Variants in NALF1 observed in about 807,000 individuals in gnomAD.
The protein encoded by NALF1 is family with sequence similarity 155 member A.
Under a neutral mutation model 48.4 loss-of-function variants are expected in NALF1, and 3 were observed. The ratio of observed to expected loss-of-function variants is 0.06; its 90% CI spans 0.03 to 0.16. The LOEUF is 0.16. Among genes scored for constraint, NALF1 ranks in the 10% least tolerant of loss-of-function variants. The pLI is 1.00. For synonymous variants in NALF1, 262 were observed against 245.7 expected (o/e 1.07, Z -0.62); for missense variants, 526 against 571.5 (o/e 0.92, Z 0.81).
intron 1 of NALF1, among the ~76,000 whole-genome samples, chr13:107,542,244 T>A (rs539744793): frequency 5.9e-5 from 9 of 152,236 alleles, no homozygotes; most frequent in African/African-American, 2.2e-4. Context: ...AACCACATAT[T>A]ATATGATTCC....
intron 1 of NALF1, among the ~76,000 whole-genome samples, chr13:107,307,948 CAA>C (rs1881969360): frequency 6.6e-6 from 1 of 152,064 alleles, no homozygotes; most frequent in Non-Finnish European, 1.5e-5. Flanking sequence ...TTAATTACCT[CAA>C]AGTGATATTT....
At chr13:107,254,055 G>A (rs912474687) in intron 1 of NALF1, among the ~76,000 whole-genome samples, 5 of 129,756 alleles carry the variant, frequency 3.9e-5, no homozygotes, top group African/African-American at 1.5e-4. Flanking sequence ...AAGGGAGCAA[G>A]TACTAAAATA....
At chr13:107,609,640 G>T (rs1051166240) in intron 1 of NALF1, among the ~76,000 whole-genome samples, 3 of 152,142 alleles carry the variant, frequency 2.0e-5, no homozygotes, top group Non-Finnish European at 4.4e-5. Context: ...CAGACGTGTT[G>T]TTTTTAACAG....
At chr13:107,683,433 CAGACTT>C (rs766350234) in intron 1 of NALF1, among the ~76,000 whole-genome samples, 25 of 152,302 alleles carry the variant, frequency 1.6e-4, no homozygotes, top group Non-Finnish European at 3.1e-4. Flanking sequence ...AGTCAAGAGA[CAGACTT>C]AGGGTCACTT....
chr13:107,693,265 T>C lies in NALF1; in HGVS notation c.915+172417A>G, dbSNP rs182385122. On this transcript the variant is annotated intron_variant, in intron 1 of 2. Coordinates refer to ENST00000375915, the MANE Select transcript of NALF1 (RefSeq NM_001080396.3). ...ACATGTTCTCACTCATAGGTAGGAATTGAACAATGAGAACACATGGACACA... is the reference window on the plus strand; with the variant it reads ...ACATGTTCTCACTCATAGGTAGGAACTGAACAATGAGAACACATGGACACA... Among the ~76,000 whole-genome samples the C allele has an allele frequency of 2.7e-3, 378 of 142,330 alleles. 1 individual carries two copies. Among genetic ancestry groups the C allele is most frequent in the African/African-American group, 9.0e-3 (348 of 38,734 alleles). 93.4% of individuals were successfully genotyped at this position (142,330 alleles called of 152,430 possible).
chr13:107,813,126 T>C (rs1328586676), intron 1 of NALF1, among the ~76,000 whole-genome samples: 3 of 152,182 alleles, frequency 2.0e-5, no homozygotes, highest in Non-Finnish European at 4.4e-5. Flanking sequence ...GCAAGTTTCT[T>C]ATTAGATATT....
intron 1 of NALF1, among the ~76,000 whole-genome samples, chr13:107,592,063 T>A (rs550990277): frequency 6.6e-6 from 1 of 152,088 alleles, no homozygotes; most frequent in Non-Finnish European, 1.5e-5. Flanking sequence ...GCAAAGAAAA[T>A]GTATGTGTGT....
At chr13:107,248,308 G>A (rs1342925575) in intron 1 of NALF1, among the ~76,000 whole-genome samples, 1 of 151,958 alleles carries the variant, frequency 6.6e-6, no homozygotes, top group East Asian at 1.9e-4. Flanking sequence ...CCACATCCAG[G>A]TGTTCTCTGT....
intron 2 of NALF1, among the ~76,000 whole-genome samples, chr13:107,175,613 G>A (rs1878910526): frequency 6.6e-6 from 1 of 152,076 alleles, no homozygotes. Context: ...CTTGAATTCT[G>A]ACAGATGCCT....
chr13:107,391,710 T>C (rs1055313950), intron 1 of NALF1, among the ~76,000 whole-genome samples: 4 of 152,118 alleles, frequency 2.6e-5, no homozygotes, highest in African/African-American at 9.7e-5. Context: ...AATTCAACCG[T>C]CAACCAGAAA....
intron 1 of NALF1, among the ~76,000 whole-genome samples, chr13:107,636,617 CTCT>C: frequency 6.6e-6 from 1 of 152,140 alleles, no homozygotes; most frequent in African/African-American, 2.4e-5. Context: ...TACTTTTTAA[CTCT>C]TCTTGTACAA....
At chr13:107,750,654 T>TAAC (rs1339760986) in intron 1 of NALF1, among the ~76,000 whole-genome samples, 1 of 151,320 alleles carries the variant, frequency 6.6e-6, no homozygotes, top group Non-Finnish European at 1.5e-5. Context: ...TAGTAACAGG[T>TAAC]AACAGTACGC....
At position 107,179,615 on chromosome 13, in the gene NALF1, T is replaced by C. The variant is rs1042760429; in HGVS notation, c.1088-8829A>G. The stretch of plus-strand genomic sequence containing the variant: ...CACATCTTATGCCTGTATCAAGATA[T>C]CTCAATAATGTTATACCTATTATGT... On this transcript the variant is annotated intron_variant, in intron 2 of 2. Transcript: ENST00000375915. Among the ~76,000 whole-genome samples, 15 of 150,802 alleles carry C rather than the reference T, an allele frequency of 9.9e-5. No homozygotes were observed. In the East Asian group the frequency reaches 2.9e-3, roughly 30 times the overall value.
chr13:107,746,140 AATTT>A (rs1566466035), intron 1 of NALF1, among the ~76,000 whole-genome samples: 1 of 152,182 alleles, frequency 6.6e-6, no homozygotes, highest in Non-Finnish European at 1.5e-5. Flanking sequence ...ATTTATTGTT[AATTT>A]ATGTATTGTT....
chr13:107,770,809 G>A (rs1008868015), intron 1 of NALF1, among the ~76,000 whole-genome samples: 2 of 152,164 alleles, frequency 1.3e-5, no homozygotes, highest in African/African-American at 2.4e-5. Context: ...AATCTTTAAT[G>A]ACCTGACTTA....
At chr13:107,279,753 ATC>A (rs1881351583) in intron 1 of NALF1, among the ~76,000 whole-genome samples, 1 of 152,072 alleles carries the variant, frequency 6.6e-6, no homozygotes, top group Non-Finnish European at 1.5e-5. Context: ...ATGCAGTTTT[ATC>A]TCTTTCTCCT....
At chr13:107,368,590 G>A (rs1041563507) in intron 1 of NALF1, among the ~76,000 whole-genome samples, 1 of 152,134 alleles carries the variant, frequency 6.6e-6, no homozygotes, top group Non-Finnish European at 1.5e-5. Flanking sequence ...GGCATGCCTC[G>A]GCTTGCAGCC....
intron 1 of NALF1, among the ~76,000 whole-genome samples, chr13:107,792,104 G>C (rs1878261924): frequency 6.6e-6 from 1 of 152,142 alleles, no homozygotes; most frequent in African/African-American, 2.4e-5. Flanking sequence ...TGGCTCTGAG[G>C]AAGCTTGGGT....
intron 1 of NALF1, among the ~76,000 whole-genome samples, chr13:107,606,063 A>C (rs1370997872): frequency 6.6e-6 from 1 of 152,166 alleles, no homozygotes; most frequent in African/African-American, 2.4e-5. Flanking sequence ...TTATATATAC[A>C]GTGCAGGCAA....
Sources: gnomAD v4.1 joint callset for allele counts (sites outside exome capture counted in the v4.1 genomes callset) on GRCh38, gnomAD v4.1.1 for gene constraint, MANE v1.5 for transcripts, NCBI Gene and HGNC (gene_info 2026-07-23, HGNC 2026-07-21) for gene names.